The following SIPA1L1 variants were observed in gnomAD, a reference collection of about 807,000 sequenced individuals.
SIPA1L1 encodes signal-induced proliferation-associated 1-like protein 1.
SIPA1L1 carries 26 observed loss-of-function variants against 162.7 expected under a neutral mutation model. The ratio of observed to expected loss-of-function variants is 0.16; its 90% CI spans 0.12 to 0.22. The LOEUF (loss-of-function observed/expected upper bound fraction) is 0.22, where lower values mean the gene tolerates loss of function less well. Among genes scored for constraint, SIPA1L1 ranks in the 10% least tolerant of loss-of-function variants. The pLI, the probability that SIPA1L1 is intolerant of heterozygous loss-of-function variation, is 1.00. For missense variants in SIPA1L1, 1,874 were observed against 2,241.0 expected (o/e 0.84, Z 3.31); for synonymous variants, 829 against 837.4 (o/e 0.99, Z 0.17).
chr14:71,356,371 G>A (rs2037239501), intron 2 of SIPA1L1, among the ~76,000 whole-genome samples: 1 of 151,168 alleles, frequency 6.6e-6, no homozygotes, highest in Non-Finnish European at 1.5e-5. Context: ...ATAATTATAA[G>A]CAGTATAATA....
At chr14:71,459,895 T>C (rs1349885605) in intron 2 of SIPA1L1, among the ~76,000 whole-genome samples, 1 of 152,152 alleles carries the variant, frequency 6.6e-6, no homozygotes, top group Non-Finnish European at 1.5e-5. Flanking sequence ...CATACATATC[T>C]CCTGAGATCA....
chr14:71,444,310 T>G lies in SIPA1L1; in HGVS notation c.-464-68433T>G, dbSNP rs78881347. ...CCTCTCTGTGAACACAAAGAATGAT[T>G]TCATTTACTTCAATGAGAACACTAT... On this transcript the variant is annotated intron_variant, in intron 2 of 23. Coordinates refer to ENST00000381232, the MANE Select transcript of SIPA1L1 (RefSeq NM_001386936.1). Among the ~76,000 whole-genome samples the G allele has an allele frequency of 6.3e-3, 961 of 152,318 alleles. 5 individuals carry two copies. Among genetic ancestry groups the G allele is most frequent in the African/African-American group, 0.022 (903 of 41,574 alleles).
chr14:71,550,805 C>A (rs1396264120), intron 4 of SIPA1L1, among the ~76,000 whole-genome samples: 1 of 152,046 alleles, frequency 6.6e-6, no homozygotes, highest in Non-Finnish European at 1.5e-5. Flanking sequence ...AATCCCAGCA[C>A]TTAGGGAGGC....
chr14:71,626,619 G>A (rs540770237), intron 7 of SIPA1L1, among the ~76,000 whole-genome samples: 1 of 152,222 alleles, frequency 6.6e-6, no homozygotes, highest in South Asian at 2.1e-4. Flanking sequence ...TCATTGCAAA[G>A]CATTTTTAGT....
intron 2 of SIPA1L1, among the ~76,000 whole-genome samples, chr14:71,424,818 T>C (rs1426708584): frequency 6.6e-6 from 1 of 152,108 alleles, no homozygotes; most frequent in Non-Finnish European, 1.5e-5. Flanking sequence ...TTCAATTATA[T>C]GGAAATTTGA....
At position 71,699,181 on chromosome 14, in the gene SIPA1L1, A is replaced by G. The variant is rs2081896261; in HGVS notation, c.3521+54A>G. 9.8e-6 allele frequency: 15 copies of G among 1,537,488 alleles called. No homozygotes were observed. The South Asian group carries it at 1.7e-4, about 17-fold the overall frequency. On this transcript the variant is annotated intron_variant, in intron 14 of 23. Coordinates refer to ENST00000381232, the MANE Select transcript of SIPA1L1 (RefSeq NM_001386936.1). ...GGTCCCTGTTGGCATCATTTCTTTCATCTGTACTCAGACATGTAAAATGAC... is the reference window on the plus strand; with the variant it reads ...GGTCCCTGTTGGCATCATTTCTTTCGTCTGTACTCAGACATGTAAAATGAC...
chr14:71,544,229 A>G (rs1412355068), intron 4 of SIPA1L1, among the ~76,000 whole-genome samples: 2 of 150,130 alleles, frequency 1.3e-5, no homozygotes, highest in Non-Finnish European at 3.0e-5. Flanking sequence ...ATATACATAT[A>G]TCATGTATGT....
intron 3 of SIPA1L1, among the ~76,000 whole-genome samples, chr14:71,526,754 C>T (rs997255961): frequency 1.3e-5 from 2 of 152,154 alleles, no homozygotes; most frequent in African/African-American, 2.4e-5. Flanking sequence ...GATTCCTGCT[C>T]TATAATATTC....
At chr14:71,402,005 T>TA (rs2041705780) in intron 2 of SIPA1L1, among the ~76,000 whole-genome samples, 1 of 152,208 alleles carries the variant, frequency 6.6e-6, no homozygotes, top group Non-Finnish European at 1.5e-5. Flanking sequence ...GGCTGCATAA[T>TA]ACAATGGTAG....
At chr14:71,412,919 T>C (rs913147009) in intron 2 of SIPA1L1, among the ~76,000 whole-genome samples, 3 of 152,206 alleles carry the variant, frequency 2.0e-5, no homozygotes, top group Admixed American at 6.5e-5. Flanking sequence ...TTAGCATTCA[T>C]AGGAAATACA....
rs1307130929 is a variant in SIPA1L1, at chr14:71,590,036, AAAAAAAAAATATATATAT to A, written c.1498+668_1498+685del. Among the ~76,000 whole-genome samples, 29 of 74,356 alleles carry A rather than the reference AAAAAAAAAATATATATAT, an allele frequency of 3.9e-4. No homozygotes were observed. The Admixed American group carries it at 4.3e-3, about 11-fold the overall frequency. The allele number at this position is 74,356 out of a possible 152,430, so 48.8% of individuals were successfully genotyped here. On this transcript the variant is annotated intron_variant, in intron 5 of 23. Coordinates refer to ENST00000381232, the MANE Select transcript of SIPA1L1 (RefSeq NM_001386936.1). Reference sequence around the variant, plus strand: ...AGTGGGAGAGTAAAAAAAAAAAAAAAAAAAAAAAATATATATATATATATATATATATATATATATGTA... The same window carrying A: ...AGTGGGAGAGTAAAAAAAAAAAAAAAATATATATATATATATATATATGTA...
intron 2 of SIPA1L1, among the ~76,000 whole-genome samples, chr14:71,329,707 T>A (rs1343587898): frequency 6.6e-6 from 1 of 152,240 alleles, no homozygotes; most frequent in Non-Finnish European, 1.5e-5. Flanking sequence ...ATGAAGTTGA[T>A]TGTATTTTCA....
At chr14:71,362,627 A>G (rs1212030315) in intron 2 of SIPA1L1, among the ~76,000 whole-genome samples, 1 of 152,212 alleles carries the variant, frequency 6.6e-6, no homozygotes, top group Admixed American at 6.5e-5. Flanking sequence ...TGCATTGTAC[A>G]TGTATCTCAA....
At chr14:71,703,318 T>TA (rs753907161) in intron 15 of SIPA1L1, among the ~76,000 whole-genome samples, 32 of 152,346 alleles carry the variant, frequency 2.1e-4, no homozygotes, top group Admixed American at 1.4e-3. Flanking sequence ...AAGATAATCT[T>TA]ATAAGACAAG....
rs2046026850 is a variant in SIPA1L1, at chr14:71,683,837, A to C, written c.3105-1525A>C. On this transcript the variant is annotated intron_variant, in intron 12 of 23. Transcript: ENST00000381232. ...CCATAACTCTCAAGTAGATCATCAA[A>C]TCAATTTAGGACATTGTGCCCAGTG... Among the ~76,000 whole-genome samples the C allele has an allele frequency of 2.0e-5, 3 of 152,212 alleles. No homozygotes were observed. The South Asian group carries it at 6.2e-4, about 32-fold the overall frequency.
intron 2 of SIPA1L1, among the ~76,000 whole-genome samples, chr14:71,470,895 T>A (rs2047398979): frequency 6.6e-6 from 1 of 152,184 alleles, no homozygotes; most frequent in South Asian, 2.1e-4. Flanking sequence ...TGGAGTGCAG[T>A]GGCTTGATCA....
intron 13 of SIPA1L1, among the ~76,000 whole-genome samples, chr14:71,687,554 A>G (rs551723273): frequency 1.3e-5 from 2 of 152,192 alleles, no homozygotes; most frequent in Non-Finnish European, 2.9e-5. Context: ...TTTTGATTCC[A>G]TGTTGAATTT....
At chr14:71,629,996 C>G (rs1466767447) in intron 7 of SIPA1L1, among the ~76,000 whole-genome samples, 1 of 152,166 alleles carries the variant, frequency 6.6e-6, no homozygotes, top group Non-Finnish European at 1.5e-5. Flanking sequence ...GTTTGACTAG[C>G]CATTTTCTCT....
chr14:71,538,139 T>C (rs1432137912), intron 4 of SIPA1L1, among the ~76,000 whole-genome samples: 1 of 152,228 alleles, frequency 6.6e-6, no homozygotes. Flanking sequence ...ACAGTTTTTA[T>C]TTTTAATAAT....
Sources: allele counts gnomAD v4.1 joint callset (sites outside exome capture counted in the v4.1 genomes callset), GRCh38; gene constraint gnomAD v4.1.1; transcripts MANE v1.5; gene names NCBI Gene and HGNC (gene_info 2026-07-23, HGNC 2026-07-21).